The following NELL2 variants were observed in gnomAD, a reference collection of about 807,000 sequenced individuals.
NELL2 encodes protein kinase C-binding protein NELL2.
A neutral mutation model predicts 109.6 loss-of-function variants in NELL2; 41 were observed. That is an observed-to-expected ratio of 0.37 (90% confidence interval 0.29 to 0.49). The LOEUF is 0.49. Ranked by LOEUF, NELL2 falls within the 20% of genes least tolerant of loss-of-function variation. The pLI is 0.98. For synonymous variants in NELL2, 355 were observed against 344.7 expected (o/e 1.03, Z -0.33); for missense variants, 900 against 1,008.3 (o/e 0.89, Z 1.45).
chr12:44,596,153 G>A (rs1944955786), intron 15 of NELL2, among the ~76,000 whole-genome samples: 2 of 152,330 alleles, frequency 1.3e-5, no homozygotes, highest in African/African-American at 2.4e-5. Flanking sequence ...TAAGCCCCAA[G>A]AGAAAAGAAC....
chr12:44,654,192 A>C (rs1191498072), intron 13 of NELL2, among the ~76,000 whole-genome samples: 1 of 152,180 alleles, frequency 6.6e-6, no homozygotes, highest in Non-Finnish European at 1.5e-5. Flanking sequence ...CCATCTATTA[A>C]ATTGGACAAT....
At chr12:44,590,601 C>T (rs7311478) in intron 15 of NELL2, among the ~76,000 whole-genome samples, 128,018 of 152,212 alleles carry the variant, frequency 0.84, 54,236 homozygotes, top group East Asian at 1. Flanking sequence ...TTGGTTCCCA[C>T]GAAGCAATGT....
intron 3 of NELL2, among the ~76,000 whole-genome samples, chr12:44,795,902 G>T (rs1942604648): frequency 6.6e-6 from 1 of 152,046 alleles, no homozygotes; most frequent in African/African-American, 2.4e-5. Context: ...TCCCTTATTA[G>T]AAATATCTTT....
chr12:44,837,873 AT>A (rs764888645), intron 2 of NELL2, among the ~76,000 whole-genome samples: 6 of 152,302 alleles, frequency 3.9e-5, no homozygotes, highest in Non-Finnish European at 8.8e-5. Flanking sequence ...ATCAATTCTG[AT>A]TTTTATGTGG....
rs564738473 is a variant in NELL2 at position 44,525,713 on chromosome 12, T to C, written c.1805-2229A>G. On this transcript the variant is annotated intron_variant, in intron 16 of 19. Transcript: ENST00000429094. ...TAGTGAGCGATTATTGAAGAACTAA[T>C]GTTGCTAAATCCATTTGTCAGTGTC... Among the ~76,000 whole-genome samples the C allele has an allele frequency of 2.6e-4, 40 of 152,352 alleles. 2 individuals are homozygous for C. The South Asian group carries it at 8.3e-3, about 32-fold the overall frequency.
At chr12:44,675,785 T>C (rs553059872) in intron 12 of NELL2, among the ~76,000 whole-genome samples, 1 of 152,234 alleles carries the variant, frequency 6.6e-6, no homozygotes, top group East Asian at 1.9e-4. Context: ...CTGAATCAGA[T>C]CTGTGTTTTT....
intron 3 of NELL2, among the ~76,000 whole-genome samples, chr12:44,812,014 C>A (rs1351344603): frequency 2.0e-5 from 3 of 152,110 alleles, no homozygotes; most frequent in Non-Finnish European, 4.4e-5. Flanking sequence ...AAATAAGCAT[C>A]CTTCAGCAGG....
At chr12:44,754,907 T>C (rs1282223628) in intron 9 of NELL2, among the ~76,000 whole-genome samples, 2 of 152,226 alleles carry the variant, frequency 1.3e-5, no homozygotes, top group African/African-American at 4.8e-5. Context: ...GACAACTCTG[T>C]GAGGCAGCTA....
intron 15 of NELL2, among the ~76,000 whole-genome samples, chr12:44,602,181 T>C (rs911160451): frequency 1.3e-5 from 2 of 152,196 alleles, no homozygotes; most frequent in African/African-American, 4.8e-5. Context: ...TTAAAACACA[T>C]TCATTTATCA....
chr12:44,906,103 A>G (rs1459943927), intron 1 of NELL2, among the ~76,000 whole-genome samples: 1 of 152,058 alleles, frequency 6.6e-6, no homozygotes, highest in Non-Finnish European at 1.5e-5. Context: ...TGGCATTAAA[A>G]TCAAGACCTG....
intron 9 of NELL2, among the ~76,000 whole-genome samples, chr12:44,728,263 C>G (rs1939186705): frequency 6.6e-6 from 1 of 151,884 alleles, no homozygotes; most frequent in Non-Finnish European, 1.5e-5. Context: ...AATGACCAAA[C>G]AGATATTTAG....
chr12:44,820,777 G>T (rs1029296509), intron 2 of NELL2, among the ~76,000 whole-genome samples: 1 of 152,110 alleles, frequency 6.6e-6, no homozygotes, highest in African/African-American at 2.4e-5. Flanking sequence ...GTACCCAAAT[G>T]GGATTTCAGT....
chr12:44,536,966 AATC>A (rs1942315528), intron 15 of NELL2, among the ~76,000 whole-genome samples: 1 of 151,618 alleles, frequency 6.6e-6, no homozygotes, highest in Admixed American at 6.6e-5. Flanking sequence ...GTTTTGAGGC[AATC>A]ATTAAAAACA....
intron 9 of NELL2, among the ~76,000 whole-genome samples, chr12:44,741,605 T>C (rs1171380516): frequency 1.3e-5 from 2 of 152,172 alleles, no homozygotes; most frequent in African/African-American, 4.8e-5. Context: ...ACTCCCACCC[T>C]AATACTGCGC....
intron 13 of NELL2, among the ~76,000 whole-genome samples, chr12:44,622,804 TA>T (rs1338075423): frequency 6.6e-6 from 1 of 152,154 alleles, no homozygotes; most frequent in Admixed American, 6.6e-5. Context: ...GGCTTAATTT[TA>T]AAACGAGCTT....
chr12:44,875,472 G>C (rs778001048), intron 1 of NELL2, 119 bp from the exon 2 acceptor site: 3 of 1,613,812 alleles, frequency 1.9e-6, no homozygotes, highest in South Asian at 2.2e-5. Flanking sequence ...CTGAAGATGA[G>C]AGGCGACTGC....
chr12:44,767,287 C>T (rs1039532638), intron 9 of NELL2, among the ~76,000 whole-genome samples: 1 of 152,142 alleles, frequency 6.6e-6, no homozygotes, highest in Non-Finnish European at 1.5e-5. Flanking sequence ...CCATAAATTG[C>T]CATTTTCTTG....
At chr12:44,811,891 C>T (rs1943191335) in intron 3 of NELL2, among the ~76,000 whole-genome samples, 1 of 151,950 alleles carries the variant, frequency 6.6e-6, no homozygotes, top group Non-Finnish European at 1.5e-5. Flanking sequence ...CAAGCTCTTG[C>T]TCTTGCTCAA....
At chr12:44,584,017 G>A (rs1044637506) in intron 15 of NELL2, among the ~76,000 whole-genome samples, 11 of 152,118 alleles carry the variant, frequency 7.2e-5, no homozygotes, top group Admixed American at 2.6e-4. Flanking sequence ...CAAGCGATCC[G>A]CCCACCTTGG....
Sources: gnomAD v4.1 joint callset for allele counts (sites outside exome capture counted in the v4.1 genomes callset) on GRCh38, gnomAD v4.1.1 for gene constraint, MANE v1.5 for transcripts, NCBI Gene and HGNC (gene_info 2026-07-23, HGNC 2026-07-21) for gene names.